The following PPARD variants were observed in gnomAD, a reference collection of about 807,000 sequenced individuals.
The protein encoded by PPARD is peroxisome proliferator activated receptor delta, also known as peroxisome proliferator-activated receptor delta.
In PPARD, 6 loss-of-function variants were observed where a neutral mutation model predicts 39.5. That is an observed-to-expected ratio of 0.15 (90% CI 0.08 to 0.30). PPARD has a LOEUF of 0.30. Ranked by LOEUF, PPARD falls within the 10% of genes least tolerant of loss-of-function variation. PPARD has a pLI of 1.00. For synonymous variants in PPARD, 210 were observed against 231.3 expected (o/e 0.91, Z 0.83); for missense variants, 397 against 596.8 (o/e 0.67, Z 3.49).
chr6:35,417,427 AGGCAG>A (rs1765844186), intron 3 of PPARD, among the ~76,000 whole-genome samples: 1 of 151,278 alleles, frequency 6.6e-6, no homozygotes, highest in Admixed American at 6.6e-5. Flanking sequence ...CTGGCACTAT[AGGCAG>A]GTGCCACGAC....
chr6:35,388,684 C>T (rs1229533892), intron 2 of PPARD, among the ~76,000 whole-genome samples: 3 of 151,954 alleles, frequency 2.0e-5, no homozygotes, highest in Admixed American at 2.0e-4. Flanking sequence ...TGCACTCCAG[C>T]CTGGGTGACA....
intron 3 of PPARD, among the ~76,000 whole-genome samples, chr6:35,419,559 G>A (rs370911428): frequency 6.6e-6 from 1 of 152,156 alleles, no homozygotes; most frequent in East Asian, 1.9e-4. Context: ...TCATGGGAAT[G>A]AACTTGAGCT....
At chr6:35,388,831 C>T (rs574535527) in intron 2 of PPARD, among the ~76,000 whole-genome samples, 4 of 152,230 alleles carry the variant, frequency 2.6e-5, no homozygotes, top group Admixed American at 6.5e-5. Context: ...TCCATGGACA[C>T]GCTTCCACCA....
At chr6:35,422,455 C>G (rs1766234116) in intron 5 of PPARD, among the ~76,000 whole-genome samples, 1 of 152,182 alleles carries the variant, frequency 6.6e-6, no homozygotes, top group Non-Finnish European at 1.5e-5. Flanking sequence ...TCCCAGGAGA[C>G]AGAGCCTTCT....
intron 2 of PPARD, among the ~76,000 whole-genome samples, chr6:35,405,954 G>T (rs1240061163): frequency 6.6e-6 from 1 of 151,218 alleles, no homozygotes; most frequent in Non-Finnish European, 1.5e-5. Context: ...TTGAGACAGG[G>T]TCTCAATCTG....
At chr6:35,385,710 G>T (rs558466440) in intron 2 of PPARD, among the ~76,000 whole-genome samples, 2 of 151,508 alleles carry the variant, frequency 1.3e-5, no homozygotes, top group East Asian at 1.9e-4. Flanking sequence ...CTGTGGCCTG[G>T]CATGAAGATA....
At position 35,366,734 on chromosome 6, in the gene PPARD, G is replaced by A. The variant is rs1448552485; in HGVS notation, c.-102+19584G>A. Among the ~76,000 whole-genome samples the A allele has an allele frequency of 6.6e-6, 1 of 152,020 alleles. No homozygotes were observed. The highest frequency in any genetic ancestry group is 1.5e-5 in the Non-Finnish European group (1 of 68,018). On this transcript the variant is annotated intron_variant, in intron 2 of 7. Coordinates refer to ENST00000360694, the MANE Select transcript of PPARD (RefSeq NM_006238.5). The surrounding 1 kb of genome is among the most constrained non-coding windows in gnomAD (Gnocchi z 4.6). ...CTGGCTAATTTTTCTATTTTTAGTA[G>A]AAATGGGGTTTCACGGTGTTGGCCA...
chr6:35,342,901 G>GC (rs150373160), intron 1 of PPARD, among the ~76,000 whole-genome samples: 3,316 of 151,790 alleles, frequency 0.022, 68 homozygotes, highest in African/African-American at 0.053. Flanking sequence ...CTGACCCTGC[G>GC]CCCCCCCGCC....
chr6:35,359,287 C>A (rs562391233), intron 2 of PPARD, among the ~76,000 whole-genome samples: 2 of 152,188 alleles, frequency 1.3e-5, no homozygotes, highest in South Asian at 4.1e-4. Context: ...TCTCCTCCCC[C>A]TCACACCACC....
chr6:35,350,587 T>C (rs1761175978), intron 2 of PPARD, among the ~76,000 whole-genome samples: 1 of 151,788 alleles, frequency 6.6e-6, no homozygotes, highest in African/African-American at 2.4e-5. Flanking sequence ...CTGGGTTCTC[T>C]ATTCTGTTCC....
chr6:35,365,041 C>T (rs1036938935), intron 2 of PPARD, among the ~76,000 whole-genome samples: 1 of 151,774 alleles, frequency 6.6e-6, no homozygotes, highest in Non-Finnish European at 1.5e-5. Flanking sequence ...ATACCTGATA[C>T]CTGTCTGCTA....
At chr6:35,413,545 GT>G (rs1219328297) in intron 3 of PPARD, among the ~76,000 whole-genome samples, 6 of 151,992 alleles carry the variant, frequency 3.9e-5, no homozygotes, top group Admixed American at 2.0e-4. Flanking sequence ...ATCCCGACAG[GT>G]TTTTCAGTCT....
chr6:35,380,476 G>GTTTTTTTTTTTTTTTTTTTTTTTT (rs71002557), intron 2 of PPARD, among the ~76,000 whole-genome samples: 2 of 67,102 alleles, frequency 3.0e-5, no homozygotes, highest in Non-Finnish European at 5.6e-5. Context: ...TTTTTTGTTT[G>GTTTTTTTTTTTTTTTTTTTTTTTT]TTTTTTTTTT....
chr6:35,372,401 A>G (rs1762531842), intron 2 of PPARD, among the ~76,000 whole-genome samples: 1 of 151,190 alleles, frequency 6.6e-6, no homozygotes, highest in East Asian at 1.9e-4. Context: ...TTAGTCTTGA[A>G]CTCCTGACCT....
At chr6:35,347,968 C>T (rs1203465613) in intron 2 of PPARD, among the ~76,000 whole-genome samples, 3 of 150,502 alleles carry the variant, frequency 2.0e-5, no homozygotes, top group Non-Finnish European at 4.4e-5. Flanking sequence ...AGTGCAATGC[C>T]GTGATCTCGG....
intron 5 of PPARD, among the ~76,000 whole-genome samples, chr6:35,423,426 C>A (rs560167163): frequency 1.3e-5 from 2 of 150,632 alleles, no homozygotes. Context: ...CCCAGCTACT[C>A]GGGAGGCTGA....
Position 35,348,366 on chromosome 6 carries a change from T to G in PPARD, c.-102+1216T>G, listed in dbSNP as rs890996834. 5 of 985,230 alleles carry G rather than the reference T, an allele frequency of 5.1e-6. No individual in the cohort carries two copies. In the African/African-American group the frequency reaches 7.0e-5, roughly 14 times the overall value. 61.0% of individuals were successfully genotyped at this position (985,230 alleles called of 1,614,324 possible). A position where few individuals can be genotyped will look rare whatever the true frequency, so the allele number is the denominator to read the frequency against. ...ATTGTTTCTTCCATCTCTGCAGGGG[T>G]AGGAGGTTCTCACCAAGAGTCTGAA... On this transcript the variant is annotated intron_variant, in intron 2 of 7. Transcript: ENST00000360694.
chr6:35,423,870 C>G, intron 5 of PPARD, 76 bp from the exon 6 acceptor site: 1 of 1,471,238 alleles, frequency 6.8e-7, no homozygotes, highest in Non-Finnish European at 9.4e-7. Context: ...GGCCCATGCA[C>G]CTGTAAAGGG....
intron 2 of PPARD, among the ~76,000 whole-genome samples, chr6:35,403,847 G>A (rs7751726): frequency 0.052 from 7,978 of 152,276 alleles, 304 homozygotes; most frequent in African/African-American, 0.1. Context: ...GGCATTCAAG[G>A]CAGGTGCCAG....
Sources: gnomAD v4.1 joint callset for allele counts (sites outside exome capture counted in the v4.1 genomes callset) on GRCh38, gnomAD v4.1.1 for gene constraint, Gnocchi (gnomAD v3.1) non-coding constraint, MANE v1.5 for transcripts, NCBI Gene and HGNC (gene_info 2026-07-23, HGNC 2026-07-21) for gene names.